TENT4A: variants seen among roughly 807,000 people sequenced by gnomAD.
TENT4A encodes the protein DNA polymerase kappa.
TENT4A carries 7 observed loss-of-function variants against 72.8 expected under a neutral mutation model. The ratio of observed to expected loss-of-function variants is 0.10; its 90% CI spans 0.05 to 0.18. TENT4A has a LOEUF of 0.18. TENT4A is among the 10% of genes least tolerant of loss of function. TENT4A has a pLI of 1.00. For missense variants in TENT4A, 831 were observed against 1,017.7 expected (o/e 0.82, Z 2.50); for synonymous variants, 456 against 434.3 (o/e 1.05, Z -0.62).
At chr5:6,750,636 T>G (rs889155360) in intron 10 of TENT4A, 133 bp downstream of exon 10, 1 of 824,134 alleles carries the variant, frequency 1.2e-6, no homozygotes, top group Non-Finnish European at 1.8e-6. Flanking sequence ...TGGAGGTGGG[T>G]GGGGGGCAGC....
chr5:6,749,135 C>T (rs1362566030), intron 8 of TENT4A, among the ~76,000 whole-genome samples: 1 of 152,156 alleles, frequency 6.6e-6, no homozygotes, highest in African/African-American at 2.4e-5. Flanking sequence ...TCAGCAGCCG[C>T]TGCAGGTGCT....
chr5:6,739,634 G>A (rs1361113813), intron 3 of TENT4A, 98 bp from the exon 4 acceptor site: 3 of 1,440,820 alleles, frequency 2.1e-6, no homozygotes, highest in Non-Finnish European at 2.9e-6. Context: ...GCCTTTGTGG[G>A]AGACACAGGC....
chr5:6,722,818 A>G (rs1316874951), intron 1 of TENT4A, among the ~76,000 whole-genome samples: 2 of 152,230 alleles, frequency 1.3e-5, no homozygotes, highest in African/African-American at 2.4e-5. Flanking sequence ...ATTAAGGGCC[A>G]GGGAACATTA....
rs140748736 is a variant in TENT4A, at chr5:6,722,294, C to T, written c.716+7595C>T. On this transcript the variant is annotated intron_variant, in intron 1 of 12. Coordinates refer to ENST00000230859, the MANE Select transcript of TENT4A (RefSeq NM_006999.6). ...AAAAGGCCACCGCTGCCCTTTTCTCCTCTCTTTAAGGAAATTGAAACCAAA... is the reference window on the plus strand; with the variant it reads ...AAAAGGCCACCGCTGCCCTTTTCTCTTCTCTTTAAGGAAATTGAAACCAAA... 3.9e-3 allele frequency among the ~76,000 whole-genome samples: 601 copies of T among 152,306 alleles called. 4 individuals carry two copies. Among genetic ancestry groups the T allele is most frequent in the African/African-American group, 0.014 (569 of 41,554 alleles).
rs192732019 is a variant in TENT4A, at chr5:6,749,062, C to T, written c.1586+472C>T. On this transcript the variant is annotated intron_variant, in intron 8 of 12. Transcript: ENST00000230859. ...TAACGTGGTCGTCAAGAGTGGAATTCGAAACAGTTTGATAGATCTGTTCTG... is the reference window on the plus strand; with the variant it reads ...TAACGTGGTCGTCAAGAGTGGAATTTGAAACAGTTTGATAGATCTGTTCTG... Among the ~76,000 whole-genome samples, 48 of 152,242 alleles carry T rather than the reference C, an allele frequency of 3.2e-4. No homozygotes were observed. The East Asian group carries it at 4.8e-3, about 15-fold the overall frequency.
At chr5:6,743,166 C>T (rs1306392568) in intron 5 of TENT4A, among the ~76,000 whole-genome samples, 1 of 152,146 alleles carries the variant, frequency 6.6e-6, no homozygotes, top group East Asian at 1.9e-4. Context: ...GGGGCAAATC[C>T]ACCCCTGCAA....
chr5:6,734,321 C>T (rs765356531), intron 1 of TENT4A, among the ~76,000 whole-genome samples: 7 of 152,362 alleles, frequency 4.6e-5, no homozygotes, highest in South Asian at 2.1e-4. Flanking sequence ...CCCTCGCCCT[C>T]TGAGGGCCTC....
chr5:6,754,709 C>A, intron 12 of TENT4A, 42 bp from the exon 13 acceptor site: 3 of 1,497,644 alleles, frequency 2.0e-6, no homozygotes, highest in Non-Finnish European at 2.7e-6. Context: ...GGCATTGTGC[C>A]TGCTGTCTGG....
chr5:6,716,933 C>G (rs745851596), intron 1 of TENT4A, among the ~76,000 whole-genome samples: 5 of 152,198 alleles, frequency 3.3e-5, no homozygotes, highest in African/African-American at 1.2e-4. Flanking sequence ...CGCTTCCTGC[C>G]GTCTCTGCCC....
rs1288175126 is a variant in TENT4A, at chr5:6,754,794, A to T, written c.2228A>T (p.His743Leu). 6.2e-7 allele frequency: 1 copy of T among 1,600,148 alleles called. No individual in the cohort carries two copies. The highest frequency in any genetic ancestry group is 2.3e-5 in the East Asian group (1 of 44,352). ...MKLSMKGSHGHTQGGGYSSVG... is the reference protein window; with the variant it reads ...MKLSMKGSHGLTQGGGYSSVG... ...CTGTCCATGAAGGGCTCTCACGGCC[A>T]CACCCAAGGCGGCGGCTACAGCTCT... Residue 743 changes from histidine (H) to leucine (L), a missense_variant, in exon 13 of 13, where the codon CAC (histidine) becomes CTC (leucine). Coordinates refer to ENST00000230859, the MANE Select transcript of TENT4A (RefSeq NM_006999.6).
chr5:6,714,158 CG>C lies in TENT4A; in HGVS notation c.179del (p.Gly60AlafsTer30). 1.1e-6 allele frequency: 1 copy of C among 916,312 alleles called. No homozygotes were observed. The highest frequency in any genetic ancestry group is 1.3e-6 in the Non-Finnish European group (1 of 776,094). The allele number at this position is 916,312 out of a possible 1,614,324, so 56.8% of individuals were successfully genotyped here. A position where few individuals can be genotyped will look rare whatever the true frequency, so the allele number is the denominator to read the frequency against. ...DTAAAAGAAGRGSGGLGPALP... is the reference protein window; with the variant it reads ...DTAAAAGAAGXGSGGLGPALP... ...GGCGGCCGCGGCGGGGGCGGCCGGG[CG>C]GGGCAGTGGCGGCCTGGGCCCCGCG... On this transcript the variant is annotated frameshift_variant, in exon 1 of 13. Coordinates refer to ENST00000230859, the MANE Select transcript of TENT4A (RefSeq NM_006999.6). LOFTEE classifies it high-confidence loss of function.
At chr5:6,747,081 A>C (rs909539351) in intron 7 of TENT4A, among the ~76,000 whole-genome samples, 5 of 152,166 alleles carry the variant, frequency 3.3e-5, no homozygotes, top group African/African-American at 1.2e-4. Flanking sequence ...AACGCTTTTA[A>C]ATTTATATTT....
chr5:6,728,072 G>A (rs908488731), intron 1 of TENT4A, among the ~76,000 whole-genome samples: 1 of 152,078 alleles, frequency 6.6e-6, no homozygotes, highest in Non-Finnish European at 1.5e-5. Flanking sequence ...TCATCTTGGC[G>A]GGGGCCTCAA....
intron 1 of TENT4A, among the ~76,000 whole-genome samples, chr5:6,720,072 C>T (rs1008559125): frequency 2.6e-5 from 4 of 152,152 alleles, no homozygotes; most frequent in Non-Finnish European, 4.4e-5. Flanking sequence ...TTGGGTAGGG[C>T]GCTGTCAGCT....
intron 1 of TENT4A, among the ~76,000 whole-genome samples, chr5:6,726,250 G>A (rs928490637): frequency 2.0e-5 from 3 of 152,194 alleles, no homozygotes; most frequent in South Asian, 2.1e-4. Context: ...CTTGGGACGC[G>A]ATCTGACCTC....
intron 1 of TENT4A, among the ~76,000 whole-genome samples, chr5:6,719,768 A>G (rs1458475235): frequency 6.6e-6 from 1 of 152,164 alleles, no homozygotes; most frequent in Admixed American, 6.5e-5. Flanking sequence ...TCAGCATCCT[A>G]TTTTTGAGAT....
rs536453119 is a variant in TENT4A, at chr5:6,714,929, G to C, written c.716+230G>C. 5.4e-5 allele frequency: 14 copies of C among 259,564 alleles called. No homozygotes were observed. The South Asian group carries it at 1.6e-3, about 29-fold the overall frequency. The allele number at this position is 259,564 out of a possible 1,614,324, so 16.1% of individuals were successfully genotyped here. On this transcript the variant is annotated intron_variant, in intron 1 of 12. Coordinates refer to ENST00000230859, the MANE Select transcript of TENT4A (RefSeq NM_006999.6). ...AACAGTCCAAGAAAAGGGGCTGCTG[G>C]GTAGGACCTGCAGGTATTTGTCTTT... is the stretch of plus-strand genomic sequence containing the variant.
At position 6,714,489 on chromosome 5, in the gene TENT4A, C is replaced by G; in HGVS notation, c.506C>G (p.Pro169Arg). ...GGCACAGCCAACGGGCACCCCGGGC[C>G]GCGCGGCCCCGCGCCCGCCGGCTCC... Reference protein sequence around the residue: ...APGTANGHPGPRGPAPAGSPS... With the variant: ...APGTANGHPGRRGPAPAGSPS... The change falls in exon 1 of 13, where the codon CCG (proline) becomes CGG (arginine). Residue 169 changes from proline (P) to arginine (R), a missense_variant. Physicochemically the swap from Pro to Arg is moderately radical, Grantham distance 103. Transcript: ENST00000230859. 1 of 1,184,834 alleles carries G rather than the reference C, an allele frequency of 8.4e-7. No homozygotes were observed. The highest frequency in any genetic ancestry group is 4.2e-5 in the South Asian group (1 of 23,974). 73.4% of individuals were successfully genotyped at this position (1,184,834 alleles called of 1,614,324 possible). A position where few individuals can be genotyped will look rare whatever the true frequency, so the allele number is the denominator to read the frequency against.
At position 6,743,689 on chromosome 5, in the gene TENT4A, T is replaced by C. The variant is rs750697376; in HGVS notation, c.1117-23T>C. On this transcript the variant is annotated intron_variant, in intron 5 of 12. Coordinates refer to ENST00000230859, the MANE Select transcript of TENT4A (RefSeq NM_006999.6). ...GAAAGTATGGTAATTACTCAGTAAA[T>C]CTTTTTCTTTTGGAATTTACAGAAA... 3.2e-6 allele frequency: 5 copies of C among 1,564,618 alleles called. No individual in the cohort carries two copies. The Admixed American group carries it at 5.1e-5, about 16-fold the overall frequency.
Sources: gnomAD v4.1 joint callset for allele counts (sites outside exome capture counted in the v4.1 genomes callset) on GRCh38, gnomAD v4.1.1 for gene constraint, MANE v1.5 for transcripts, NCBI Gene and HGNC (gene_info 2026-07-23, HGNC 2026-07-21) for gene names.